The following SYT16 variants were observed in gnomAD, a reference collection of about 807,000 sequenced individuals.
SYT16 encodes the protein synaptotagmin-16.
In SYT16, 42 loss-of-function variants were observed where a neutral mutation model predicts 61.4. That is an observed-to-expected ratio of 0.68 (90% CI 0.53 to 0.89). The LOEUF (loss-of-function observed/expected upper bound fraction) is 0.89. Among genes scored for constraint, SYT16 ranks in the 40% least tolerant of loss-of-function variants. SYT16 has a pLI of 0.00. For missense variants in SYT16, 804 were observed against 807.3 expected (o/e 1.00, Z 0.05); for synonymous variants, 314 against 302.3 (o/e 1.04, Z -0.40).
intron 1 of SYT16, among the ~76,000 whole-genome samples, chr14:61,957,584 A>G (rs2050929919): frequency 1.3e-5 from 2 of 151,850 alleles, no homozygotes; most frequent in Admixed American, 1.3e-4. Context: ...ATCTTTCATT[A>G]TGTTAATGAG....
chr14:62,034,896 C>T (rs1405448121), intron 3 of SYT16, among the ~76,000 whole-genome samples: 1 of 152,150 alleles, frequency 6.6e-6, no homozygotes, highest in Non-Finnish European at 1.5e-5. Flanking sequence ...AAGGCTTCCT[C>T]ACAAACAAAA....
At chr14:62,062,846 C>A (rs906589151) in intron 3 of SYT16, among the ~76,000 whole-genome samples, 2 of 152,194 alleles carry the variant, frequency 1.3e-5, no homozygotes, top group Admixed American at 1.3e-4. Flanking sequence ...CCTGTCTCTA[C>A]TTCCCGTCTG....
intron 3 of SYT16, among the ~76,000 whole-genome samples, chr14:62,043,964 T>A (rs2054856192): frequency 6.6e-6 from 1 of 152,132 alleles, no homozygotes; most frequent in African/African-American, 2.4e-5. Context: ...TGAACCACCA[T>A]GCCTGGCCTA....
intron 4 of SYT16, among the ~76,000 whole-genome samples, chr14:62,073,690 T>C (rs1025653391): frequency 6.6e-6 from 1 of 152,192 alleles, no homozygotes; most frequent in African/African-American, 2.4e-5. Flanking sequence ...AAGATGTTTT[T>C]GTATGGTCTG....
chr14:62,034,791 T>G (rs2054442953), intron 3 of SYT16, among the ~76,000 whole-genome samples: 2 of 152,102 alleles, frequency 1.3e-5, no homozygotes, highest in South Asian at 2.1e-4. Context: ...TAAAATTGAT[T>G]GTGATGGTTG....
intron 1 of SYT16, among the ~76,000 whole-genome samples, chr14:61,942,365 A>G (rs2050242961): frequency 6.6e-6 from 1 of 152,198 alleles, no homozygotes; most frequent in Non-Finnish European, 1.5e-5. Flanking sequence ...AAGCAGTTAA[A>G]TTATTGATGG....
intron 5 of SYT16, among the ~76,000 whole-genome samples, chr14:62,075,886 G>A (rs1433058832): frequency 6.6e-6 from 1 of 152,188 alleles, no homozygotes; most frequent in Non-Finnish European, 1.5e-5. Flanking sequence ...TATACAAGGT[G>A]TAATGATGCA....
Position 61,882,293 on chromosome 14 carries a change from ATCACTAT to A in SYT16, c.-325+69486_-325+69492del, listed in dbSNP as rs548428067. ...TAAGTAATTTATAGTTAATTTTAAT[ATCACTAT>A]TCTTTCCACATTTTCAAAGCATCTG... On this transcript the variant is annotated intron_variant, in intron 1 of 7. Coordinates refer to ENST00000683842, the MANE Select transcript of SYT16 (RefSeq NM_001367656.1). Among the ~76,000 whole-genome samples, 238 of 152,354 alleles carry A rather than the reference ATCACTAT, an allele frequency of 1.6e-3. 3 individuals are homozygous for A. Among genetic ancestry groups the A allele is most frequent in the Non-Finnish European group, 2.6e-3 (177 of 68,034 alleles).
At chr14:62,001,220 T>A (rs1185558613) in intron 3 of SYT16, among the ~76,000 whole-genome samples, 1 of 152,152 alleles carries the variant, frequency 6.6e-6, no homozygotes, top group Non-Finnish European at 1.5e-5. Context: ...AATATTTTAA[T>A]TATTTTTATT....
chr14:61,832,305 C>T (rs2045964747), intron 1 of SYT16: 4 of 589,132 alleles, frequency 6.8e-6, no homozygotes, highest in Non-Finnish European at 1.3e-5. Context: ...TCCGTGTGCT[C>T]GTACAGACAC....
chr14:62,097,270 C>T (rs1396265550), intron 7 of SYT16, among the ~76,000 whole-genome samples: 1 of 152,068 alleles, frequency 6.6e-6, no homozygotes. Context: ...GGGATTATGA[C>T]CCATTCAGTG....
At chr14:61,999,015 G>T (rs1237464981) in intron 3 of SYT16, among the ~76,000 whole-genome samples, 2 of 151,712 alleles carry the variant, frequency 1.3e-5, no homozygotes, top group East Asian at 1.9e-4. Flanking sequence ...TCATGTTATG[G>T]TATTCTTTTA....
At chr14:61,865,022 G>C in intron 1 of SYT16, 1 of 1,415,476 alleles carries the variant, frequency 7.1e-7, no homozygotes, top group Non-Finnish European at 1.0e-6. Context: ...TGCCCTGAGA[G>C]GGCATTTCTG....
In SYT16 at chr14:61,945,372, A is replaced by G. The variant is rs140723881; in HGVS notation, c.-324-24760A>G. Among the ~76,000 whole-genome samples the G allele has an allele frequency of 9.5e-3, 1,441 of 152,330 alleles. 8 individuals are homozygous for G. Among genetic ancestry groups the G allele is most frequent in the Middle Eastern group, 0.02 (6 of 294 alleles). ...ACCAGAAATACCATTTGACCCAGCA[A>G]TCCCATTACTGTGTATATACCCAAA... On this transcript the variant is annotated intron_variant, in intron 1 of 7. Coordinates refer to ENST00000683842, the MANE Select transcript of SYT16 (RefSeq NM_001367656.1).
At position 62,100,372 on chromosome 14, in the gene SYT16, C is replaced by G. The variant is rs771466500; in HGVS notation, c.1625-22C>G. On this transcript the variant is annotated intron_variant, in intron 7 of 7. Transcript: ENST00000683842. Reference sequence around the variant, plus strand: ...CTAATGTTTCTTATCATCCCCACCCCACCCTTTTTTTTTTGTCTTAGATAC... The same window carrying G: ...CTAATGTTTCTTATCATCCCCACCCGACCCTTTTTTTTTTGTCTTAGATAC... 3.9e-6 allele frequency: 6 copies of G among 1,548,376 alleles called. No individual in the cohort carries two copies. In the East Asian group the frequency reaches 1.2e-4, roughly 30 times the overall value.
At chr14:61,833,970 A>AT (rs544826072) in intron 1 of SYT16, among the ~76,000 whole-genome samples, 43,052 of 117,106 alleles carry the variant, frequency 0.37, 7,251 homozygotes, top group South Asian at 0.47. Context: ...TCTGGCTTTG[A>AT]TTTTTTTTTT....
chr14:61,862,103 T>G (rs1410991670), intron 1 of SYT16, among the ~76,000 whole-genome samples: 2 of 152,248 alleles, frequency 1.3e-5, no homozygotes, highest in Non-Finnish European at 2.9e-5. Flanking sequence ...TATTGTTATA[T>G]TCTTATAGCT....
intron 3 of SYT16, among the ~76,000 whole-genome samples, chr14:62,016,152 C>G (rs1212296470): frequency 1.3e-5 from 2 of 152,090 alleles, no homozygotes; most frequent in African/African-American, 4.8e-5. Flanking sequence ...AACAAAAGAT[C>G]AAGGGAGCAG....
intron 1 of SYT16, among the ~76,000 whole-genome samples, chr14:61,838,274 A>G (rs2046194805): frequency 6.6e-6 from 1 of 152,182 alleles, no homozygotes. Context: ...ATAGGATAAT[A>G]TAAGAATCCC....
Sources: allele counts gnomAD v4.1 joint callset (sites outside exome capture counted in the v4.1 genomes callset), GRCh38; gene constraint gnomAD v4.1.1; transcripts MANE v1.5; gene names NCBI Gene and HGNC (gene_info 2026-07-23, HGNC 2026-07-21).